TMEM200A: variants seen among roughly 807,000 people sequenced by gnomAD.
TMEM200A encodes the protein two transmembrane C.
Under a neutral mutation model 24.3 loss-of-function variants are expected in TMEM200A, and 12 were observed. The observed-to-expected ratio is 0.49, with a 90% CI of 0.32 to 0.80. TMEM200A has a LOEUF of 0.80. Among genes scored for constraint, TMEM200A ranks in the 30% least tolerant of loss-of-function variants. The pLI, the probability that TMEM200A is intolerant of heterozygous loss-of-function variation, is 0.04. For missense variants in TMEM200A, 545 were observed against 614.4 expected (o/e 0.89, Z 1.19); for synonymous variants, 224 against 224.4 (o/e 1.00, Z 0.02).
intron 1 of TMEM200A, among the ~76,000 whole-genome samples, chr6:130,371,167 G>A (rs1489265047): frequency 6.6e-6 from 1 of 152,042 alleles, no homozygotes; most frequent in African/African-American, 2.4e-5. Flanking sequence ...AGACATCCTG[G>A]GCCAGTAGGT....
chr6:130,441,349 T>C lies in TMEM200A; in HGVS notation c.927T>C (p.Thr309=), dbSNP rs763675383. The change falls in exon 3 of 3, where the codon ACT becomes ACC. Residue 309 remains threonine, a synonymous_variant. Transcript: ENST00000296978. ...ATGAGCCCAGTATAGATAACATCAC[T>C]GAAGATGCTGACAACCTCAAAAGTA... ...VIDEPSIDNI[T]EDADNLKSRS... 4.3e-6 allele frequency: 7 copies of C among 1,614,044 alleles called. No homozygotes were observed. Among genetic ancestry groups the C allele is most frequent in the South Asian group, 2.2e-5 (2 of 91,090 alleles).
At chr6:130,419,746 A>C (rs1779539423) in intron 2 of TMEM200A, among the ~76,000 whole-genome samples, 1 of 152,232 alleles carries the variant, frequency 6.6e-6, no homozygotes, top group South Asian at 2.1e-4. Context: ...TCAGGAATTA[A>C]ACCAAAAACA....
At chr6:130,385,464 A>C (rs72992460) in intron 2 of TMEM200A, among the ~76,000 whole-genome samples, 23,533 of 152,176 alleles carry the variant, frequency 0.15, 2,466 homozygotes, top group Non-Finnish European at 0.23. Context: ...TAAGATAGAG[A>C]TAGGTCTCTG....
chr6:130,424,677 C>T (rs1353413510), intron 2 of TMEM200A, among the ~76,000 whole-genome samples: 2 of 152,124 alleles, frequency 1.3e-5, no homozygotes, highest in African/African-American at 2.4e-5. Context: ...ATAGTCCCCA[C>T]ATTATGGGAA....
At chr6:130,424,256 CTG>C (rs1779672492) in intron 2 of TMEM200A, among the ~76,000 whole-genome samples, 1 of 152,104 alleles carries the variant, frequency 6.6e-6, no homozygotes, top group Non-Finnish European at 1.5e-5. Flanking sequence ...TGCTTCCTGG[CTG>C]TGTGACATTG....
At chr6:130,410,468 G>A (rs1779305450) in intron 2 of TMEM200A, among the ~76,000 whole-genome samples, 1 of 152,162 alleles carries the variant, frequency 6.6e-6, no homozygotes. Context: ...ATATATAGCA[G>A]TTGCTTAAAT....
chr6:130,442,101 T>G lies in TMEM200A; in HGVS notation c.*203T>G. On this transcript the variant is annotated 3_prime_UTR_variant, in exon 3 of 3. Transcript: ENST00000296978. ...TACTCTATGTTACCACACATGATTT[T>G]ATTTTTCTCTTCCTTTGAAAGCATG... is the stretch of plus-strand genomic sequence containing the variant. The G allele has an allele frequency of 2.3e-6, 1 of 433,228 alleles. No individual in the cohort carries two copies. 26.8% of individuals were successfully genotyped at this position (433,228 alleles called of 1,614,324 possible). A position where few individuals can be genotyped will look rare whatever the true frequency, so the allele number is the denominator to read the frequency against.
At chr6:130,412,514 T>G (rs1779356124) in intron 2 of TMEM200A, among the ~76,000 whole-genome samples, 1 of 152,192 alleles carries the variant, frequency 6.6e-6, no homozygotes, top group African/African-American at 2.4e-5. Context: ...TCTCTTGGCT[T>G]GGGCTCTGAA....
At chr6:130,378,486 G>T (rs1778516701) in intron 1 of TMEM200A, among the ~76,000 whole-genome samples, 1 of 152,044 alleles carries the variant, frequency 6.6e-6, no homozygotes, top group Admixed American at 6.5e-5. Flanking sequence ...TACTTTGGGA[G>T]GCTGAGGTGG....
chr6:130,427,665 G>A (rs1458398839), intron 2 of TMEM200A, among the ~76,000 whole-genome samples: 1 of 151,502 alleles, frequency 6.6e-6, no homozygotes, highest in African/African-American at 2.4e-5. Flanking sequence ...CTCATTGACA[G>A]CTTATTAGAC....
chr6:130,366,505 G>A lies in TMEM200A; in HGVS notation c.-100G>A, dbSNP rs1014315840. Reference sequence around the variant, plus strand: ...ACAGGGAGAGGCGACCCGACCCCCAGGGCCCGGTGCTCAGGACAGGTGAGG... The same window carrying A: ...ACAGGGAGAGGCGACCCGACCCCCAAGGCCCGGTGCTCAGGACAGGTGAGG... On this transcript the variant is annotated 5_prime_UTR_variant, in exon 1 of 3. Transcript: ENST00000296978. This position sits in a 1 kb window ranked among gnomAD's most constrained non-coding sequence, Gnocchi z 4.4. The A allele has an allele frequency of 7.1e-6, 7 of 985,688 alleles. No individual in the cohort carries two copies. The African/African-American group carries it at 1.0e-4, about 15-fold the overall frequency. 61.1% of individuals were successfully genotyped at this position (985,688 alleles called of 1,614,324 possible). A position where few individuals can be genotyped will look rare whatever the true frequency, so the allele number is the denominator to read the frequency against.
chr6:130,442,660 T>C lies in TMEM200A; in HGVS notation c.*762T>C, dbSNP rs553171139. 1 of 166,730 alleles carries C rather than the reference T, an allele frequency of 6.0e-6. No individual in the cohort carries two copies. Among genetic ancestry groups the C allele is most frequent in the South Asian group, 2.1e-4 (1 of 4,834 alleles). The allele number at this position is 166,730 out of a possible 1,614,324, so 10.3% of individuals were successfully genotyped here. A position where few individuals can be genotyped will look rare whatever the true frequency, so the allele number is the denominator to read the frequency against. On this transcript the variant is annotated 3_prime_UTR_variant, in exon 3 of 3. Coordinates refer to ENST00000296978, the MANE Select transcript of TMEM200A (RefSeq NM_001258277.2). ...AAACTAAATGAACCAATAAAATTTG[T>C]AGAAATGCTATCCTGAAATAATTAT... is the stretch of plus-strand genomic sequence containing the variant.
intron 2 of TMEM200A, among the ~76,000 whole-genome samples, chr6:130,408,573 G>A (rs1779259842): frequency 6.6e-6 from 1 of 152,162 alleles, no homozygotes; most frequent in African/African-American, 2.4e-5. Context: ...GACATGTGGG[G>A]TGGGCATGAG....
At chr6:130,424,958 C>T (rs954560590) in intron 2 of TMEM200A, among the ~76,000 whole-genome samples, 1 of 152,100 alleles carries the variant, frequency 6.6e-6, no homozygotes, top group Non-Finnish European at 1.5e-5. Flanking sequence ...TCTTTGAAAA[C>T]AGCTTGAAGG....
chr6:130,415,924 A>C (rs1486878030), intron 2 of TMEM200A, among the ~76,000 whole-genome samples: 1 of 152,172 alleles, frequency 6.6e-6, no homozygotes, highest in Non-Finnish European at 1.5e-5. Flanking sequence ...TCAGGGTTTC[A>C]AAGTGTTTTA....
At chr6:130,429,985 G>A (rs1272849745) in intron 2 of TMEM200A, among the ~76,000 whole-genome samples, 1 of 152,158 alleles carries the variant, frequency 6.6e-6, no homozygotes, top group Non-Finnish European at 1.5e-5. Context: ...AGGAGAACCA[G>A]AGGCTGAAGC....
chr6:130,440,555 C>G lies in TMEM200A; in HGVS notation c.133C>G (p.Arg45Gly), dbSNP rs146855001. ...GAAGAAGCCCATCAGGCGCCGGCCC[C>G]GGGCAGATGTTGTGGTTGTTCGTGG... is the stretch of plus-strand genomic sequence containing the variant. ...QEKKPIRRRP[R>G]ADVVVVRGKI... The change falls in exon 3 of 3, where the codon CGG becomes GGG. Residue 45 changes from arginine (R) to glycine (G), a missense_variant. Transcript: ENST00000296978. 1.2e-6 allele frequency: 2 copies of G among 1,613,984 alleles called. No homozygotes were observed. The highest frequency in any genetic ancestry group is 2.2e-5 in the East Asian group (1 of 44,890).
At chr6:130,428,342 A>T (rs1165158692) in intron 2 of TMEM200A, among the ~76,000 whole-genome samples, 1 of 152,152 alleles carries the variant, frequency 6.6e-6, no homozygotes, top group East Asian at 1.9e-4. Flanking sequence ...TATTGTCATT[A>T]ATCCATAATT....
intron 2 of TMEM200A, among the ~76,000 whole-genome samples, chr6:130,415,000 C>T (rs1779416399): frequency 6.6e-6 from 1 of 152,138 alleles, no homozygotes; most frequent in South Asian, 2.1e-4. Context: ...GAGTCAGAGG[C>T]TCCTTAGCAT....
Sources: allele counts gnomAD v4.1 joint callset (sites outside exome capture counted in the v4.1 genomes callset), GRCh38; gene constraint gnomAD v4.1.1; non-coding constraint Gnocchi (gnomAD v3.1); transcripts MANE v1.5; gene names NCBI Gene and HGNC (gene_info 2026-07-23, HGNC 2026-07-21).